Variants in NEGR1 observed in about 807,000 individuals in gnomAD.
NEGR1 encodes the protein neuronal growth regulator 1.
In NEGR1, 10 loss-of-function variants were observed where a neutral mutation model predicts 40.9. The observed-to-expected ratio is 0.24, with a 90% CI of 0.15 to 0.42. NEGR1 has a LOEUF of 0.42. Ranked by LOEUF, NEGR1 falls within the 10% of genes least tolerant of loss-of-function variation. The pLI, the probability that NEGR1 is intolerant of heterozygous loss-of-function variation, is 1.00. For missense variants in NEGR1, 352 were observed against 438.9 expected (o/e 0.80, Z 1.77); for synonymous variants, 185 against 166.8 (o/e 1.11, Z -0.84).
intron 2 of NEGR1, among the ~76,000 whole-genome samples, chr1:71,809,118 G>A (rs1023422454): frequency 6.6e-6 from 1 of 152,100 alleles, no homozygotes; most frequent in African/African-American, 2.4e-5. Context: ...ATAAGTGATG[G>A]ATACACAGGA....
intron 1 of NEGR1, among the ~76,000 whole-genome samples, chr1:72,079,104 TA>T (rs1191529477): frequency 9.5e-5 from 14 of 147,128 alleles, no homozygotes; most frequent in Non-Finnish European, 1.3e-4. Flanking sequence ...TATATATATA[TA>T]TATATAATAT....
chr1:71,877,378 G>A (rs569723321), intron 2 of NEGR1, among the ~76,000 whole-genome samples: 2 of 152,248 alleles, frequency 1.3e-5, no homozygotes, highest in East Asian at 1.9e-4. Flanking sequence ...AAGGGTGGAA[G>A]TCTGAGATCA....
chr1:71,717,032 G>GT (rs1487101848), intron 3 of NEGR1, among the ~76,000 whole-genome samples: 40 of 152,262 alleles, frequency 2.6e-4, no homozygotes, highest in African/African-American at 8.2e-4. Context: ...GGCTGTTACT[G>GT]TTTATGTCGT....
intron 1 of NEGR1, among the ~76,000 whole-genome samples, chr1:72,274,343 A>C (rs1655963690): frequency 6.6e-6 from 1 of 152,058 alleles, no homozygotes; most frequent in South Asian, 2.1e-4. Context: ...ACATAACACA[A>C]AATATAAAGT....
chr1:71,898,862 T>TG (rs1289765651), intron 2 of NEGR1, among the ~76,000 whole-genome samples: 1 of 141,442 alleles, frequency 7.1e-6, no homozygotes, highest in Non-Finnish European at 1.5e-5. Context: ...TATAATATAT[T>TG]GCAAATATAT....
intron 1 of NEGR1, among the ~76,000 whole-genome samples, chr1:72,120,846 G>A (rs1467157176): frequency 6.6e-6 from 1 of 151,874 alleles, no homozygotes; most frequent in African/African-American, 2.4e-5. Context: ...TTTAGTGAAT[G>A]ATATATCATT....
At chr1:71,646,530 T>C (rs1013914172) in intron 4 of NEGR1, among the ~76,000 whole-genome samples, 2 of 151,864 alleles carry the variant, frequency 1.3e-5, no homozygotes, top group Non-Finnish European at 2.9e-5. Flanking sequence ...TTAAAGCTTT[T>C]AACACATTAG....
chr1:71,910,111 A>G (rs1007536335), intron 2 of NEGR1, among the ~76,000 whole-genome samples: 1 of 152,234 alleles, frequency 6.6e-6, no homozygotes, highest in Non-Finnish European at 1.5e-5. Flanking sequence ...GGACATTAAA[A>G]GTCAGCCAAG....
chr1:71,791,675 GA>G lies in NEGR1; in HGVS notation c.410-15379del, dbSNP rs1229069170. ...CATGCTCTTGCCCTTAAAAAGTCTA[GA>G]ATGTAGTTAAGAGAGAAAATGAGAA... On this transcript the variant is annotated intron_variant, in intron 2 of 6. Transcript: ENST00000357731. 3.9e-5 allele frequency among the ~76,000 whole-genome samples: 6 copies of G among 152,032 alleles called. No homozygotes were observed. In the East Asian group the frequency reaches 1.2e-3, roughly 29 times the overall value.
chr1:72,154,481 G>C (rs1247496930), intron 1 of NEGR1, among the ~76,000 whole-genome samples: 4 of 151,768 alleles, frequency 2.6e-5, no homozygotes, highest in Non-Finnish European at 5.9e-5. Flanking sequence ...TAAATTTCTA[G>C]AGCAAAAGCA....
intron 6 of NEGR1, among the ~76,000 whole-genome samples, chr1:71,457,275 A>G (rs1042877141): frequency 6.6e-6 from 1 of 152,154 alleles, no homozygotes; most frequent in African/African-American, 2.4e-5. Context: ...CATCTTGTCA[A>G]TCCCCTGCTT....
intron 4 of NEGR1, among the ~76,000 whole-genome samples, chr1:71,616,976 A>G (rs1378526527): frequency 2.0e-5 from 3 of 152,228 alleles, no homozygotes; most frequent in Non-Finnish European, 2.9e-5. Flanking sequence ...TGGCTATCCA[A>G]CAAGGCCATG....
At chr1:71,436,493 A>G (rs1199608784) in intron 6 of NEGR1, among the ~76,000 whole-genome samples, 1 of 152,174 alleles carries the variant, frequency 6.6e-6, no homozygotes, top group East Asian at 1.9e-4. Context: ...TATAATATTA[A>G]CCCTTCCATG....
intron 6 of NEGR1, among the ~76,000 whole-genome samples, chr1:71,428,220 G>A (rs933549592): frequency 3.3e-5 from 5 of 152,138 alleles, no homozygotes; most frequent in East Asian, 1.9e-4. Context: ...AGGTACCAAC[G>A]GCAGTGCCAG....
chr1:71,442,776 G>C (rs1389594813), intron 6 of NEGR1, among the ~76,000 whole-genome samples: 1 of 152,196 alleles, frequency 6.6e-6, no homozygotes, highest in Non-Finnish European at 1.5e-5. Flanking sequence ...TGAGACAACA[G>C]TAGTAATCCC....
At chr1:72,162,566 C>A (rs1286638155) in intron 1 of NEGR1, among the ~76,000 whole-genome samples, 1 of 152,116 alleles carries the variant, frequency 6.6e-6, no homozygotes, top group Non-Finnish European at 1.5e-5. Flanking sequence ...ATTAAAACTG[C>A]CATGCTTAGT....
chr1:72,215,675 A>C (rs1194259), intron 1 of NEGR1, among the ~76,000 whole-genome samples: 2 of 151,702 alleles, frequency 1.3e-5, no homozygotes, highest in Admixed American at 6.6e-5. Flanking sequence ...TCTCACACCA[A>C]TCAGAATGGC....
At chr1:71,839,826 T>A (rs1659174137) in intron 2 of NEGR1, among the ~76,000 whole-genome samples, 1 of 152,204 alleles carries the variant, frequency 6.6e-6, no homozygotes, top group Non-Finnish European at 1.5e-5. Context: ...TTCAAAGTGC[T>A]TCTTTTGCAG....
At chr1:72,028,837 T>A (rs1289396182) in intron 1 of NEGR1, among the ~76,000 whole-genome samples, 1 of 152,232 alleles carries the variant, frequency 6.6e-6, no homozygotes, top group South Asian at 2.1e-4. Context: ...TTTCAATGTT[T>A]ATTTCCCTTA....
Sources: allele counts gnomAD v4.1 joint callset (sites outside exome capture counted in the v4.1 genomes callset), GRCh38; gene constraint gnomAD v4.1.1; transcripts MANE v1.5; gene names NCBI Gene and HGNC (gene_info 2026-07-23, HGNC 2026-07-21).